The following RYR2 variants were observed in gnomAD, a reference collection of about 807,000 sequenced individuals.
RYR2 encodes the protein cardiac muscle ryanodine receptor-calcium release channel.
In RYR2, 227 loss-of-function variants were observed where a neutral mutation model predicts 601.1. The observed-to-expected ratio is 0.38, with a 90% CI of 0.34 to 0.42. RYR2 has a LOEUF of 0.42. Among genes scored for constraint, RYR2 ranks in the 10% least tolerant of loss-of-function variants. The pLI is 1.00. For missense variants in RYR2, 4,646 were observed against 6,156.5 expected (o/e 0.75, Z 8.21); for synonymous variants, 2,223 against 2,175.1 (o/e 1.02, Z -0.61).
intron 1 of RYR2, among the ~76,000 whole-genome samples, chr1:237,066,788 C>G (rs905241598): frequency 2.0e-5 from 3 of 151,936 alleles, no homozygotes; most frequent in Non-Finnish European, 4.4e-5. Context: ...ACTGCAGGCG[C>G]CCACCACCAC....
chr1:237,584,655 T>TTTG (rs1553512571), intron 29 of RYR2, among the ~76,000 whole-genome samples: 1 of 129,608 alleles, frequency 7.7e-6, no homozygotes, highest in Non-Finnish European at 1.7e-5. Context: ...ACCTGTTTTT[T>TTTG]TTTTTTTTTT....
chr1:237,100,456 G>C (rs1667961929), intron 1 of RYR2, among the ~76,000 whole-genome samples: 1 of 148,480 alleles, frequency 6.7e-6, no homozygotes, highest in East Asian at 2.0e-4. Context: ...GTGTGATCTC[G>C]GCTCAATGCA....
chr1:237,150,607 A>C (rs1890152), intron 1 of RYR2, among the ~76,000 whole-genome samples: 2 of 152,206 alleles, frequency 1.3e-5, no homozygotes, highest in East Asian at 3.9e-4. Flanking sequence ...TAGTCTGTAC[A>C]AACATCTCCT....
intron 1 of RYR2, among the ~76,000 whole-genome samples, chr1:237,043,182 CGGA>C (rs1042008870): frequency 1.3e-5 from 2 of 152,158 alleles, no homozygotes; most frequent in Non-Finnish European, 2.9e-5. Context: ...GCTGCGAAAG[CGGA>C]GGAGGAGTCG....
chr1:237,535,484 T>TACACACACACACACACACAC (rs58146773), intron 25 of RYR2, among the ~76,000 whole-genome samples: 6 of 144,638 alleles, frequency 4.1e-5, no homozygotes, highest in African/African-American at 1.6e-4. Flanking sequence ...CAAACACACA[T>TACACACACACACACACACAC]ACACACACAC....
chr1:237,459,341 G>A (rs140850735), intron 16 of RYR2, among the ~76,000 whole-genome samples: 11 of 152,258 alleles, frequency 7.2e-5, no homozygotes, highest in African/African-American at 2.2e-4. Context: ...TCCCAGCTGC[G>A]TGGGGGGCTG....
chr1:237,470,442 C>A (rs1270195053), intron 17 of RYR2, among the ~76,000 whole-genome samples: 2 of 151,878 alleles, frequency 1.3e-5, no homozygotes, highest in African/African-American at 4.8e-5. Context: ...TAGTGGAGGA[C>A]AAAAATGTGT....
In RYR2 at chr1:237,832,569, G is replaced by A. The variant is rs1379152907; in HGVS notation, c.14826G>A (p.Lys4942=). 1.2e-6 allele frequency: 2 copies of A among 1,609,928 alleles called. No homozygotes were observed. The highest frequency in any genetic ancestry group is 3.3e-5 in the Admixed American group (2 of 59,910). Residue 4942 remains lysine, a synonymous_variant, in exon 105 of 105, where the codon AAG becomes AAA. Transcript: ENST00000366574. ...EHTGQESYVW[K]MYQERCWEFF... The stretch of plus-strand genomic sequence containing the variant: ...TTTTGCAGGAATCTTATGTCTGGAA[G>A]ATGTATCAAGAAAGGTGTTGGGAAT...
chr1:237,784,999 A>G lies in RYR2; in HGVS notation c.13260+27A>G, dbSNP rs1207003268. The G allele has an allele frequency of 6.8e-7, 1 of 1,477,850 alleles. No homozygotes were observed. The highest frequency in any genetic ancestry group is 9.2e-7 in the Non-Finnish European group (1 of 1,083,388). 91.5% of individuals were successfully genotyped at this position (1,477,850 alleles called of 1,614,324 possible). Reference sequence around the variant, plus strand: ...TAATTTATCTCTAAGTCACAGCAGCATTCTCTCTGGACTTCAGGTGGGTAT... The same window carrying G: ...TAATTTATCTCTAAGTCACAGCAGCGTTCTCTCTGGACTTCAGGTGGGTAT... On this transcript the variant is annotated intron_variant, in intron 90 of 104. Transcript: ENST00000366574. This position sits in a 1 kb window ranked among gnomAD's most constrained non-coding sequence, Gnocchi z 7.1.
chr1:237,599,461 T>G (rs1250469525), intron 34 of RYR2, among the ~76,000 whole-genome samples: 1 of 151,524 alleles, frequency 6.6e-6, no homozygotes, highest in East Asian at 2.0e-4. Flanking sequence ...TCAGTATTTC[T>G]TTGCACTAGT....
chr1:237,171,233 CA>C (rs58587774), intron 1 of RYR2, among the ~76,000 whole-genome samples: 62,327 of 141,506 alleles, frequency 0.44, 14,435 homozygotes, highest in Non-Finnish European at 0.53. Flanking sequence ...GACTCCATCT[CA>C]AAAAAAAAAA....
chr1:237,659,944 A>C, intron 54 of RYR2, 41 bp from the exon 55 acceptor site: 1 of 1,330,282 alleles, frequency 7.5e-7, no homozygotes, highest in Non-Finnish European at 1.0e-6. Context: ...CTCTAAAATT[A>C]ACACGTGTAA....
At chr1:237,793,837 A>C in intron 94 of RYR2, 30 bp from the exon 95 acceptor site, 1 of 1,540,552 alleles carries the variant, frequency 6.5e-7, no homozygotes, top group South Asian at 1.2e-5. Flanking sequence ...AATCTAAACT[A>C]ATTTTAACGT....
At chr1:237,816,120 A>T (rs1387481710) in intron 100 of RYR2, among the ~76,000 whole-genome samples, 1 of 151,878 alleles carries the variant, frequency 6.6e-6, no homozygotes, top group Non-Finnish European at 1.5e-5. Context: ...TGCACAATCC[A>T]CTGTTGGCTC....
At chr1:237,313,967 T>C (rs1694834383) in intron 2 of RYR2, among the ~76,000 whole-genome samples, 1 of 151,010 alleles carries the variant, frequency 6.6e-6, no homozygotes, top group Non-Finnish European at 1.5e-5. Context: ...GTTTTTTTTT[T>C]TTTTTTTGAA....
chr1:237,727,322 A>G (rs1335114780), intron 76 of RYR2, 123 bp downstream of exon 76: 1 of 439,184 alleles, frequency 2.3e-6, no homozygotes, highest in Non-Finnish European at 4.1e-6. Flanking sequence ...AGCTTTATTG[A>G]TTCTTCTACA....
intron 20 of RYR2, among the ~76,000 whole-genome samples, chr1:237,497,030 G>A (rs1664144039): frequency 6.6e-6 from 1 of 152,142 alleles, no homozygotes; most frequent in Non-Finnish European, 1.5e-5. Context: ...GTATTGCTTA[G>A]GAACAATACT....
chr1:237,372,767 C>T (rs1700739978), intron 6 of RYR2, among the ~76,000 whole-genome samples: 1 of 152,196 alleles, frequency 6.6e-6, no homozygotes, highest in Admixed American at 6.5e-5. Flanking sequence ...CTGTTTGCCA[C>T]ATGCTGGACA....
intron 58 of RYR2, among the ~76,000 whole-genome samples, chr1:237,669,125 T>C: frequency 7.1e-6 from 1 of 140,270 alleles, no homozygotes. Context: ...AAGCACATCT[T>C]GCACCGTCCT....
Sources: allele counts gnomAD v4.1 joint callset (sites outside exome capture counted in the v4.1 genomes callset), GRCh38; gene constraint gnomAD v4.1.1; non-coding constraint Gnocchi (gnomAD v3.1); transcripts MANE v1.5; gene names NCBI Gene and HGNC (gene_info 2026-07-23, HGNC 2026-07-21).